The following RALYL variants were observed in gnomAD, a reference collection of about 807,000 sequenced individuals.
The protein encoded by RALYL is RALY RNA binding protein like.
In RALYL, 29 loss-of-function variants were observed where a neutral mutation model predicts 35.1. The observed-to-expected ratio is 0.83, with a 90% CI of 0.61 to 1.13. The LOEUF is 1.13. RALYL is among the 50% of genes most tolerant of loss of function. The pLI is 0.00. For missense variants in RALYL, 359 were observed against 360.4 expected, an observed-to-expected ratio of 1.00 and a Z score of 0.03; for synonymous variants, 120 against 127.6, an observed-to-expected ratio of 0.94 and a Z score of 0.40.
chr8:84,314,429 G>C (rs1843373504), intron 1 of RALYL, among the ~76,000 whole-genome samples: 1 of 151,750 alleles, frequency 6.6e-6, no homozygotes, highest in South Asian at 2.1e-4. Context: ...AGAAGATAAT[G>C]ACTATAAATA....
chr8:84,309,184 AC>A (rs1842322590), intron 1 of RALYL, among the ~76,000 whole-genome samples: 1 of 151,324 alleles, frequency 6.6e-6, no homozygotes, highest in Admixed American at 6.6e-5. Context: ...ATAGATTTAA[AC>A]AAACAAAATT....
chr8:84,338,967 A>C (rs1027935851), intron 1 of RALYL, among the ~76,000 whole-genome samples: 7 of 152,104 alleles, frequency 4.6e-5, no homozygotes, highest in African/African-American at 1.7e-4. Flanking sequence ...CCTATTTTAT[A>C]AAGGCATAAA....
At chr8:84,603,621 A>G (rs571552893) in intron 2 of RALYL, among the ~76,000 whole-genome samples, 105 of 152,206 alleles carry the variant, frequency 6.9e-4, no homozygotes, top group African/African-American at 2.3e-3. Flanking sequence ...TAACACATTC[A>G]CATTGGCACA....
At chr8:84,560,298 A>G (rs913784721) in intron 2 of RALYL, among the ~76,000 whole-genome samples, 2 of 151,984 alleles carry the variant, frequency 1.3e-5, no homozygotes, top group African/African-American at 4.8e-5. Flanking sequence ...GAAAAGAGAC[A>G]ATTTCTCAAA....
chr8:84,555,146 G>A (rs998688859), intron 2 of RALYL, among the ~76,000 whole-genome samples: 25 of 152,228 alleles, frequency 1.6e-4, no homozygotes, highest in African/African-American at 4.8e-4. Context: ...GGGCGTGGTG[G>A]CACACGCCTG....
intron 2 of RALYL, among the ~76,000 whole-genome samples, chr8:84,716,398 T>C (rs1368297965): frequency 6.6e-6 from 1 of 152,182 alleles, no homozygotes; most frequent in Non-Finnish European, 1.5e-5. Context: ...AAAATAAACT[T>C]AGACAAAAAT....
intron 2 of RALYL, among the ~76,000 whole-genome samples, chr8:84,686,548 G>A (rs2132074001): frequency 6.6e-6 from 1 of 152,158 alleles, no homozygotes; most frequent in East Asian, 1.9e-4. Flanking sequence ...GGGATTACAG[G>A]TGCATGCCAC....
chr8:84,812,381 A>G (rs994148802), intron 4 of RALYL, among the ~76,000 whole-genome samples: 1 of 152,024 alleles, frequency 6.6e-6, no homozygotes, highest in Non-Finnish European at 1.5e-5. Flanking sequence ...TTGGTGGTTT[A>G]ATGCTCTATT....
chr8:84,458,855 T>A (rs1466844365), intron 1 of RALYL, among the ~76,000 whole-genome samples: 1 of 151,722 alleles, frequency 6.6e-6, no homozygotes, highest in Admixed American at 6.6e-5. Flanking sequence ...TCTAAAGCCA[T>A]CTTATATTTT....
intron 1 of RALYL, among the ~76,000 whole-genome samples, chr8:84,231,944 G>A (rs925789960): frequency 1.3e-5 from 2 of 152,032 alleles, no homozygotes; most frequent in African/African-American, 4.8e-5. Context: ...AAAGATATCT[G>A]ATATATAGGT....
At chr8:84,686,571 A>G (rs926344343) in intron 2 of RALYL, among the ~76,000 whole-genome samples, 19 of 151,848 alleles carry the variant, frequency 1.3e-4, no homozygotes, top group Admixed American at 1.0e-3. Context: ...CGCCCAGCTA[A>G]TTTTTGTATT....
chr8:84,744,894 C>A (rs1162548972), intron 2 of RALYL, among the ~76,000 whole-genome samples: 1 of 151,808 alleles, frequency 6.6e-6, no homozygotes. Context: ...TGTTTGAAAC[C>A]ATGAATTCTG....
intron 1 of RALYL, among the ~76,000 whole-genome samples, chr8:84,471,110 G>T (rs1257426369): frequency 2.0e-5 from 3 of 152,174 alleles, no homozygotes; most frequent in African/African-American, 7.2e-5. Context: ...TCGAAAGAAT[G>T]ACTTCTCCTA....
intron 1 of RALYL, among the ~76,000 whole-genome samples, chr8:84,491,856 A>T (rs1293109098): frequency 2.0e-5 from 3 of 151,956 alleles, no homozygotes; most frequent in Non-Finnish European, 4.4e-5. Context: ...GAGCACTTGT[A>T]GGTTTCTTTC....
intron 1 of RALYL, among the ~76,000 whole-genome samples, chr8:84,301,020 A>G (rs1487424572): frequency 3.9e-5 from 6 of 151,938 alleles, no homozygotes; most frequent in African/African-American, 1.2e-4. Context: ...GTGGCTGGTA[A>G]TGGCCTGTTT....
intron 8 of RALYL, among the ~76,000 whole-genome samples, chr8:84,910,366 G>A (rs1847298479): frequency 1.3e-5 from 2 of 151,898 alleles, no homozygotes; most frequent in Non-Finnish European, 2.9e-5. Context: ...CAAAGTCTTG[G>A]GCTATAAGAT....
At chr8:84,185,771 G>A (rs1461794933) in intron 1 of RALYL, among the ~76,000 whole-genome samples, 1 of 152,122 alleles carries the variant, frequency 6.6e-6, no homozygotes, top group Non-Finnish European at 1.5e-5. Context: ...TTTCTTCTAG[G>A]TAACTACAGA....
intron 1 of RALYL, among the ~76,000 whole-genome samples, chr8:84,199,788 C>T (rs1415434979): frequency 4.6e-5 from 7 of 152,106 alleles, no homozygotes; most frequent in African/African-American, 7.2e-5. Context: ...GCACCTTTGT[C>T]GAAAATGCGT....
At chr8:84,511,653 C>A (rs2134421811) in intron 1 of RALYL, among the ~76,000 whole-genome samples, 1 of 152,244 alleles carries the variant, frequency 6.6e-6, no homozygotes, top group South Asian at 2.1e-4. Context: ...TTCCTTCTAT[C>A]TAACTGTATG....
Sources: gnomAD v4.1 joint callset for allele counts (sites outside exome capture counted in the v4.1 genomes callset) on GRCh38, gnomAD v4.1.1 for gene constraint, MANE v1.5 for transcripts, NCBI Gene and HGNC (gene_info 2026-07-23, HGNC 2026-07-21) for gene names.